SNTG1: variants seen among roughly 807,000 people sequenced by gnomAD.
SNTG1 encodes gamma-1-syntrophin.
A neutral mutation model predicts 74.7 loss-of-function variants in SNTG1; 39 were observed. The ratio of observed to expected loss-of-function variants is 0.52; its 90% CI spans 0.40 to 0.68. The LOEUF is 0.68. SNTG1 is among the 30% of genes least tolerant of loss of function. The pLI, the probability that SNTG1 is intolerant of heterozygous loss-of-function variation, is 0.00. For synonymous variants in SNTG1, 254 were observed against 217.1 expected (o/e 1.17, Z -1.49); for missense variants, 685 against 609.5 (o/e 1.12, Z -1.30).
At chr8:50,101,461 T>A (rs1039259279) in intron 1 of SNTG1, among the ~76,000 whole-genome samples, 1 of 152,190 alleles carries the variant, frequency 6.6e-6, no homozygotes, top group Non-Finnish European at 1.5e-5. Flanking sequence ...GAGTTTTTAA[T>A]AATAACCATC....
chr8:50,395,032 A>C (rs530535445), intron 3 of SNTG1, among the ~76,000 whole-genome samples: 1 of 152,270 alleles, frequency 6.6e-6, no homozygotes, highest in Non-Finnish European at 1.5e-5. Context: ...GTAGTGTTAA[A>C]ATCAAACTAG....
chr8:50,476,905 C>A (rs1201388593), intron 8 of SNTG1, among the ~76,000 whole-genome samples: 1 of 132,006 alleles, frequency 7.6e-6, no homozygotes, highest in Non-Finnish European at 1.7e-5. Context: ...AACATACACA[C>A]ACAGTATTAA....
chr8:50,064,628 G>A (rs1820755106), intron 1 of SNTG1, among the ~76,000 whole-genome samples: 1 of 152,136 alleles, frequency 6.6e-6, no homozygotes, highest in East Asian at 1.9e-4. Flanking sequence ...ATCTGGCCCT[G>A]CCTACACCTC....
At chr8:50,224,917 T>C (rs2085250024) in intron 2 of SNTG1, among the ~76,000 whole-genome samples, 1 of 152,216 alleles carries the variant, frequency 6.6e-6, no homozygotes, top group African/African-American at 2.4e-5. Context: ...CCTTCTCTTT[T>C]CAGGCTTTTT....
chr8:50,054,711 C>A (rs988343296), intron 1 of SNTG1, among the ~76,000 whole-genome samples: 1 of 152,042 alleles, frequency 6.6e-6, no homozygotes, highest in Non-Finnish European at 1.5e-5. Flanking sequence ...TTACTCCGTT[C>A]CCCAAGCTAG....
At chr8:49,921,768 T>G (rs1806567966) in intron 1 of SNTG1, among the ~76,000 whole-genome samples, 1 of 152,114 alleles carries the variant, frequency 6.6e-6, no homozygotes, top group African/African-American at 2.4e-5. Context: ...GTTTAAAGTT[T>G]TCTTTTCTCC....
chr8:50,031,955 A>C (rs1267018987), intron 1 of SNTG1, among the ~76,000 whole-genome samples: 1 of 152,156 alleles, frequency 6.6e-6, no homozygotes, highest in Non-Finnish European at 1.5e-5. Flanking sequence ...GGTTTTAATT[A>C]TAAATTTAAT....
At chr8:50,501,278 CTG>C (rs111715218) in intron 8 of SNTG1, among the ~76,000 whole-genome samples, 1 of 152,136 alleles carries the variant, frequency 6.6e-6, no homozygotes, top group African/African-American at 2.4e-5. Flanking sequence ...TATCCGGCCT[CTG>C]TGCTGTCCAG....
chr8:50,418,694 C>T (rs2093044024), intron 4 of SNTG1, among the ~76,000 whole-genome samples: 1 of 152,000 alleles, frequency 6.6e-6, no homozygotes, highest in African/African-American at 2.4e-5. Context: ...TCATGTTTAA[C>T]TAAAACATAA....
chr8:50,736,293 G>A (rs2131641078), intron 17 of SNTG1, among the ~76,000 whole-genome samples: 1 of 151,736 alleles, frequency 6.6e-6, no homozygotes, highest in East Asian at 1.9e-4. Flanking sequence ...ATTGCAAATG[G>A]GCTAAATGCC....
chr8:50,472,765 C>A (rs890485776), intron 8 of SNTG1, among the ~76,000 whole-genome samples: 2 of 151,952 alleles, frequency 1.3e-5, no homozygotes, highest in African/African-American at 4.8e-5. Flanking sequence ...ATTTGTAAAT[C>A]ATATATCTGA....
chr8:50,470,743 A>G (rs12548774), intron 8 of SNTG1, among the ~76,000 whole-genome samples: 110,138 of 152,014 alleles, frequency 0.72, 41,523 homozygotes, highest in East Asian at 0.84. Flanking sequence ...ACAGCTCATA[A>G]AGGTAGTGCG....
chr8:50,031,031 A>G (rs1267445201), intron 1 of SNTG1, among the ~76,000 whole-genome samples: 2 of 151,914 alleles, frequency 1.3e-5, no homozygotes, highest in African/African-American at 2.4e-5. Context: ...TATGATTTCA[A>G]CATGAAACTC....
At chr8:50,376,752 T>TAGAG (rs1209571081) in intron 2 of SNTG1, among the ~76,000 whole-genome samples, 141 of 100,792 alleles carry the variant, frequency 1.4e-3, no homozygotes, top group African/African-American at 4.3e-3. Flanking sequence ...TATATATATA[T>TAGAG]ATATAGAGAG....
chr8:50,109,184 A>G (rs892333444), intron 1 of SNTG1, among the ~76,000 whole-genome samples: 3 of 152,156 alleles, frequency 2.0e-5, no homozygotes, highest in Non-Finnish European at 2.9e-5. Context: ...AGGAATCAAA[A>G]GAAAGATCTC....
chr8:50,691,072 C>G lies in SNTG1; in HGVS notation c.1039-13528C>G, dbSNP rs374077605. 2.8e-4 allele frequency among the ~76,000 whole-genome samples: 43 copies of G among 152,176 alleles called. No homozygotes were observed. In the East Asian group the frequency reaches 5.4e-3, roughly 19 times the overall value. ...TTTATCAGAGACTAGGATTGCAACCCCTGCCTTTTTTTGTTTTCCATTTGC... is the reference window on the plus strand; with the variant it reads ...TTTATCAGAGACTAGGATTGCAACCGCTGCCTTTTTTTGTTTTCCATTTGC... On this transcript the variant is annotated intron_variant, in intron 15 of 18. Transcript: ENST00000642720.
rs1329173496 is a variant in SNTG1, at chr8:50,509,278, C to A, written c.466+6398C>A. On this transcript the variant is annotated intron_variant, in intron 9 of 18. Coordinates refer to ENST00000642720, the MANE Select transcript of SNTG1 (RefSeq NM_018967.5). Reference sequence around the variant, plus strand: ...GGGCTCTGTTCTGTTCCATTGGTCTCTATCTCTGTTTTGGTACCAGTACCA... The same window carrying A: ...GGGCTCTGTTCTGTTCCATTGGTCTATATCTCTGTTTTGGTACCAGTACCA... Among the ~76,000 whole-genome samples, 13 of 152,188 alleles carry A rather than the reference C, an allele frequency of 8.5e-5. No individual in the cohort carries two copies. The East Asian group carries it at 1.2e-3, about 14-fold the overall frequency.
At chr8:50,593,145 T>C (rs2094703263) in intron 13 of SNTG1, among the ~76,000 whole-genome samples, 1 of 152,028 alleles carries the variant, frequency 6.6e-6, no homozygotes, top group South Asian at 2.1e-4. Context: ...TCCGAAGTTC[T>C]CTGCTCCCTG....
chr8:49,999,036 G>T (rs547757527), intron 1 of SNTG1, among the ~76,000 whole-genome samples: 1 of 152,078 alleles, frequency 6.6e-6, no homozygotes, highest in Non-Finnish European at 1.5e-5. Context: ...GTCACCAGGC[G>T]AATGGAAGTG....
Sources: allele counts gnomAD v4.1 joint callset (sites outside exome capture counted in the v4.1 genomes callset), GRCh38; gene constraint gnomAD v4.1.1; transcripts MANE v1.5; gene names NCBI Gene and HGNC (gene_info 2026-07-23, HGNC 2026-07-21).